TSPAN5: variants seen among roughly 807,000 people sequenced by gnomAD.
The protein encoded by TSPAN5 is tetraspanin-5.
In TSPAN5, 10 loss-of-function variants were observed where a neutral mutation model predicts 37.1. The ratio of observed to expected loss-of-function variants is 0.27; its 90% CI spans 0.17 to 0.46. The LOEUF (loss-of-function observed/expected upper bound fraction) is 0.46, where lower values mean the gene tolerates loss of function less well. Among genes scored for constraint, TSPAN5 ranks in the 20% least tolerant of loss-of-function variants. The probability of loss-of-function intolerance (pLI) is 1.00; values close to 1 mark genes in which losing one functional copy is unlikely to be tolerated. For missense variants in TSPAN5, 195 were observed against 326.6 expected (o/e 0.60, Z 3.11); for synonymous variants, 110 against 118.9 (o/e 0.93, Z 0.48).
chr4:98,603,901 C>T (rs1277370785), intron 1 of TSPAN5, among the ~76,000 whole-genome samples: 1 of 152,110 alleles, frequency 6.6e-6, no homozygotes, highest in Non-Finnish European at 1.5e-5. Context: ...TAATCACTTC[C>T]GAGTTATGCA....
chr4:98,495,526 C>T (rs1161159785), intron 2 of TSPAN5, among the ~76,000 whole-genome samples: 29 of 81,662 alleles, frequency 3.6e-4, no homozygotes, highest in African/African-American at 5.8e-4. Context: ...AGAGAGCCTC[C>T]GTCTCAAAAA....
chr4:98,504,317 C>G (rs1482400730), intron 2 of TSPAN5, among the ~76,000 whole-genome samples: 1 of 152,176 alleles, frequency 6.6e-6, no homozygotes, highest in African/African-American at 2.4e-5. Context: ...GTGTTCACCA[C>G]ACTGTCTACC....
At chr4:98,486,919 G>T in intron 2 of TSPAN5, 35 bp from the exon 3 acceptor site, 1 of 1,604,050 alleles carries the variant, frequency 6.2e-7, no homozygotes. Flanking sequence ...CAAGGCACGG[G>T]GATGTGGGGT....
At chr4:98,588,057 C>T (rs563825197) in intron 1 of TSPAN5, among the ~76,000 whole-genome samples, 6 of 152,280 alleles carry the variant, frequency 3.9e-5, no homozygotes, top group East Asian at 3.9e-4. Flanking sequence ...AACCCGTCGT[C>T]GGCCATCCTC....
chr4:98,556,037 A>ACCCCCCCCCCCCCCCCCCC (rs374997947), intron 1 of TSPAN5, among the ~76,000 whole-genome samples: 1 of 63,400 alleles, frequency 1.6e-5, no homozygotes, highest in Non-Finnish European at 2.9e-5. Flanking sequence ...CACACACAGC[A>ACCCCCCCCCCCCCCCCCCC]CCCCCACACA....
chr4:98,575,497 C>T (rs1755213324), intron 1 of TSPAN5, among the ~76,000 whole-genome samples: 1 of 149,458 alleles, frequency 6.7e-6, no homozygotes, highest in South Asian at 2.1e-4. Flanking sequence ...GAACCTTGTT[C>T]CCCAGCTCTT....
At chr4:98,505,208 C>G (rs1455583002) in intron 2 of TSPAN5, among the ~76,000 whole-genome samples, 15 of 152,100 alleles carry the variant, frequency 9.9e-5, no homozygotes, top group Non-Finnish European at 2.2e-4. Flanking sequence ...GCTCTTTTCC[C>G]ACCCAGCAAC....
chr4:98,541,991 AT>A (rs780645374), intron 1 of TSPAN5, among the ~76,000 whole-genome samples: 2 of 152,176 alleles, frequency 1.3e-5, no homozygotes, highest in Non-Finnish European at 2.9e-5. Flanking sequence ...AAATGCTCTC[AT>A]TTCCTTCGCA....
At chr4:98,605,360 C>T (rs1273333262) in intron 1 of TSPAN5, among the ~76,000 whole-genome samples, 4 of 152,180 alleles carry the variant, frequency 2.6e-5, no homozygotes, top group Non-Finnish European at 5.9e-5. Flanking sequence ...AGCATAATAT[C>T]GCATCACCCT....
rs1307899233 is a variant in TSPAN5, at chr4:98,472,384, C to G, written c.*138G>C. 1.6e-6 allele frequency: 1 copy of G among 637,038 alleles called. No individual in the cohort carries two copies. The highest frequency in any genetic ancestry group is 2.7e-6 in the Non-Finnish European group (1 of 374,304). 39.5% of individuals were successfully genotyped at this position (637,038 alleles called of 1,614,324 possible). ...GCAGCATTTCCCAGTTTTACACTCCCCTAATGGCAGCTCCATTAGGCGAGA... is the reference window on the plus strand; with the variant it reads ...GCAGCATTTCCCAGTTTTACACTCCGCTAATGGCAGCTCCATTAGGCGAGA... On this transcript the variant is annotated 3_prime_UTR_variant, in exon 8 of 8. Transcript: ENST00000305798.
intron 1 of TSPAN5, among the ~76,000 whole-genome samples, chr4:98,609,956 G>A (rs1756142530): frequency 6.6e-6 from 1 of 152,086 alleles, no homozygotes. Context: ...AAGCAGGAGG[G>A]CTCCTCATTT....
chr4:98,491,154 A>G (rs935951881), intron 2 of TSPAN5, among the ~76,000 whole-genome samples: 15 of 152,328 alleles, frequency 9.8e-5, no homozygotes, highest in African/African-American at 3.4e-4. Context: ...GCTAGTTAGC[A>G]TGTGCATTAC....
chr4:98,481,118 C>T (rs972732615), intron 4 of TSPAN5, among the ~76,000 whole-genome samples: 1 of 152,080 alleles, frequency 6.6e-6, no homozygotes, highest in Non-Finnish European at 1.5e-5. Flanking sequence ...CTTTTCAGTG[C>T]AGGTATATAA....
chr4:98,492,749 A>G (rs1753111600), intron 2 of TSPAN5, among the ~76,000 whole-genome samples: 1 of 152,244 alleles, frequency 6.6e-6, no homozygotes, highest in Non-Finnish European at 1.5e-5. Flanking sequence ...CTATGAATTC[A>G]GCATCATCAA....
chr4:98,506,572 A>T (rs1366742170), intron 2 of TSPAN5, among the ~76,000 whole-genome samples: 1 of 152,162 alleles, frequency 6.6e-6, no homozygotes. Context: ...GGAAATGCCT[A>T]CTGGCCTCTG....
chr4:98,563,735 T>C (rs1171987971), intron 1 of TSPAN5, among the ~76,000 whole-genome samples: 4 of 152,240 alleles, frequency 2.6e-5, no homozygotes, highest in African/African-American at 9.6e-5. Flanking sequence ...AGTGAGTTTC[T>C]ATAGCAAGAC....
chr4:98,567,338 A>G (rs1009505758), intron 1 of TSPAN5, among the ~76,000 whole-genome samples: 9 of 152,216 alleles, frequency 5.9e-5, no homozygotes, highest in Non-Finnish European at 1.3e-4. Context: ...ACACAAAAAA[A>G]GAAGAAAATG....
intron 1 of TSPAN5, among the ~76,000 whole-genome samples, chr4:98,602,661 C>T (rs1232434339): frequency 6.6e-6 from 1 of 152,138 alleles, no homozygotes; most frequent in African/African-American, 2.4e-5. Flanking sequence ...TTCTCCTTTC[C>T]CTCTCTTCTT....
intron 1 of TSPAN5, among the ~76,000 whole-genome samples, chr4:98,613,341 A>G (rs1756246099): frequency 6.6e-6 from 1 of 152,212 alleles, no homozygotes; most frequent in Admixed American, 6.5e-5. Flanking sequence ...AATGTTGCCT[A>G]TGCTTTCTCT....
Sources: allele counts gnomAD v4.1 joint callset (sites outside exome capture counted in the v4.1 genomes callset), GRCh38; gene constraint gnomAD v4.1.1; transcripts MANE v1.5; gene names NCBI Gene and HGNC (gene_info 2026-07-23, HGNC 2026-07-21).